Variants in MTARC1 observed in about 807,000 individuals in gnomAD.
The protein encoded by MTARC1 is mitochondrial amidoxime-reducing component 1.
A neutral mutation model predicts 33.6 loss-of-function variants in MTARC1; 24 were observed. That is an observed-to-expected ratio of 0.72 (90% CI 0.52 to 1.01). MTARC1 has a LOEUF of 1.01. Ranked by LOEUF, MTARC1 falls within the 50% of genes least tolerant of loss-of-function variation. The probability of loss-of-function intolerance (pLI) is 0.00; values close to 1 mark genes in which losing one functional copy is unlikely to be tolerated. For synonymous variants in MTARC1, 187 were observed against 189.5 expected (o/e 0.99, Z 0.11); for missense variants, 417 against 445.7 (o/e 0.94, Z 0.58).
chr1:220,791,405 T>G lies in MTARC1; in HGVS notation c.276-86T>G. 2.1e-6 allele frequency: 3 copies of G among 1,447,200 alleles called. No homozygotes were observed. The South Asian group carries it at 3.9e-5, about 19-fold the overall frequency. The allele number at this position is 1,447,200 out of a possible 1,614,324, so 89.6% of individuals were successfully genotyped here. Reference sequence around the variant, plus strand: ...AGGCTTATGGGGAAGAAATCAAAGATGACAACAGTGTCTAATTGAAGCTCC... The same window carrying G: ...AGGCTTATGGGGAAGAAATCAAAGAGGACAACAGTGTCTAATTGAAGCTCC... On this transcript the variant is annotated intron_variant, in intron 1 of 6. Coordinates refer to ENST00000366910, the MANE Select transcript of MTARC1 (RefSeq NM_022746.4).
rs1673329852 is a variant in MTARC1, at chr1:220,818,870, A to AGGACGGCC, written c.*5454_*5461dup. 6.6e-6 allele frequency: 1 copy of AGGACGGCC among 152,248 alleles called. No individual in the cohort carries two copies. The highest frequency in any genetic ancestry group is 2.4e-5 in the African/African-American group (1 of 41,472). 9.4% of individuals were successfully genotyped at this position (152,248 alleles called of 1,614,324 possible). On this transcript the variant is annotated 3_prime_UTR_variant, in exon 7 of 7. Transcript: ENST00000366910. ...AAAGCCGCTTGTTAGTCCGAGGCCC[A>AGGACGGCC]GGACGGCCGAGGACAGCTGGAGAGC...
In MTARC1 at chr1:220,813,515, A is replaced by G. The variant is rs1673205121; in HGVS notation, c.*97A>G. 2 of 1,483,752 alleles carry G rather than the reference A, an allele frequency of 1.3e-6. No individual in the cohort carries two copies. Among genetic ancestry groups the G allele is most frequent in the Admixed American group, 4.4e-5 (2 of 45,472 alleles). The allele number at this position is 1,483,752 out of a possible 1,614,324, so 91.9% of individuals were successfully genotyped here. A position where few individuals can be genotyped will look rare whatever the true frequency, so the allele number is the denominator to read the frequency against. On this transcript the variant is annotated 3_prime_UTR_variant, in exon 7 of 7. Transcript: ENST00000366910. Reference sequence around the variant, plus strand: ...GGTGTTTCAGAACTGAGACCTCTACATTTTCTTTAAATTTGTGATTTTCAC... The same window carrying G: ...GGTGTTTCAGAACTGAGACCTCTACGTTTTCTTTAAATTTGTGATTTTCAC...
At chr1:220,812,408 T>C (rs1050470306) in intron 6 of MTARC1, among the ~76,000 whole-genome samples, 2 of 152,188 alleles carry the variant, frequency 1.3e-5, no homozygotes, top group African/African-American at 2.4e-5. Context: ...GTGTCAACAA[T>C]GAATTGAAAA....
intron 2 of MTARC1, 130 bp downstream of exon 2, chr1:220,791,794 A>G: frequency 1.0e-6 from 1 of 961,562 alleles, no homozygotes; most frequent in Non-Finnish European, 1.5e-6. Flanking sequence ...TACCATATAC[A>G]GAATGAAGTC....
intron 4 of MTARC1, chr1:220,798,597 T>C: frequency 3.1e-6 from 3 of 983,224 alleles, no homozygotes; most frequent in South Asian, 9.4e-5. Context: ...AATTTACCTT[T>C]GTAATAAATG....
At chr1:220,808,585 A>G (rs1558093432) in intron 6 of MTARC1, among the ~76,000 whole-genome samples, 1 of 152,224 alleles carries the variant, frequency 6.6e-6, no homozygotes, top group Non-Finnish European at 1.5e-5. Flanking sequence ...TCAGAGCTAC[A>G]CCACTTTCTG....
At chr1:220,798,759 A>G (rs1672697693) in intron 4 of MTARC1, 1 of 848,350 alleles carries the variant, frequency 1.2e-6, no homozygotes, top group Non-Finnish European at 1.4e-6. Context: ...TGTGCCTCAA[A>G]TTTATGTTGA....
rs915176549 is a variant in MTARC1, at chr1:220,814,627, C to G, written c.*1209C>G. 6.6e-6 allele frequency: 1 copy of G among 151,940 alleles called. No homozygotes were observed. Among genetic ancestry groups the G allele is most frequent in the Admixed American group, 6.6e-5 (1 of 15,252 alleles). The allele number at this position is 151,940 out of a possible 1,614,324, so 9.4% of individuals were successfully genotyped here. A position where few individuals can be genotyped will look rare whatever the true frequency, so the allele number is the denominator to read the frequency against. On this transcript the variant is annotated 3_prime_UTR_variant, in exon 7 of 7. Transcript: ENST00000366910. Reference sequence around the variant, plus strand: ...GCCTGCAGTCCTGGCTATGGCTACTCGGGAGGATGAGGTAGAAGGATTGGT... The same window carrying G: ...GCCTGCAGTCCTGGCTATGGCTACTGGGGAGGATGAGGTAGAAGGATTGGT...
chr1:220,788,497 C>T (rs1672312216), intron 1 of MTARC1, among the ~76,000 whole-genome samples: 2 of 152,118 alleles, frequency 1.3e-5, no homozygotes, highest in South Asian at 4.1e-4. Flanking sequence ...CCTAAATATT[C>T]CATGTTTTGG....
intron 1 of MTARC1, 123 bp downstream of exon 1, chr1:220,787,342 C>G (rs946356201): frequency 7.5e-7 from 1 of 1,337,960 alleles, no homozygotes; most frequent in African/African-American, 1.5e-5. Flanking sequence ...TACAAAGAAA[C>G]TGGGAGTTGG....
At chr1:220,808,846 T>C in intron 6 of MTARC1, 1 of 471,202 alleles carries the variant, frequency 2.1e-6, no homozygotes, top group South Asian at 1.5e-5. Flanking sequence ...GAATTTTTCT[T>C]TTCTTTCTTA....
chr1:220,799,747 T>G (rs865807154), intron 4 of MTARC1, among the ~76,000 whole-genome samples: 1 of 152,110 alleles, frequency 6.6e-6, no homozygotes, highest in African/African-American at 2.4e-5. Flanking sequence ...CTAGGGCATA[T>G]GTATGGGGCT....
Position 220,787,174 on chromosome 1 carries a change from C to A in MTARC1, c.230C>A (p.Ala77Glu). The A allele has an allele frequency of 1.3e-6, 2 of 1,579,606 alleles. No homozygotes were observed. Among genetic ancestry groups the A allele is most frequent in the Non-Finnish European group, 1.7e-6 (2 of 1,163,634 alleles). The change falls in exon 1 of 7, where the codon GCG becomes GAG. Residue 77 changes from alanine to glutamate, a missense_variant. By Grantham distance (107) the Ala-to-Glu change is moderately radical. Coordinates refer to ENST00000366910, the MANE Select transcript of MTARC1 (RefSeq NM_022746.4). ...TGCAAGGGGGTGCCGGTGAGCGAGG[C>A]GGAGTGCACGGCCATGGGGCTGCGC... ...KSCKGVPVSE[A>E]ECTAMGLRSG... is the part of the protein sequence containing the mutation.
intron 6 of MTARC1, among the ~76,000 whole-genome samples, chr1:220,809,474 G>A (rs1002114226): frequency 7.5e-5 from 10 of 133,970 alleles, no homozygotes; most frequent in African/African-American, 1.3e-4. Context: ...GAACGTTCAC[G>A]ATGCCGTCTA....
intron 2 of MTARC1, chr1:220,793,473 G>C (rs1248381272): frequency 1.3e-5 from 2 of 152,264 alleles, no homozygotes; most frequent in East Asian, 3.9e-4. Flanking sequence ...CAGACTCTTC[G>C]AGCAAAGATT....
chr1:220,812,367 C>A (rs1286438937), intron 6 of MTARC1, among the ~76,000 whole-genome samples: 4 of 152,158 alleles, frequency 2.6e-5, no homozygotes, highest in South Asian at 2.1e-4. Flanking sequence ...ATGATAAGAC[C>A]AGAACACAAT....
At position 220,798,808 on chromosome 1, in the gene MTARC1, G is replaced by A. The variant is rs1042303975; in HGVS notation, c.753+794G>A. ...AAGGGGACCATATAGTGGTTCTTACGTCTGCCCATTTCCTCCATAACAGGG... is the reference window on the plus strand; with the variant it reads ...AAGGGGACCATATAGTGGTTCTTACATCTGCCCATTTCCTCCATAACAGGG... On this transcript the variant is annotated intron_variant, in intron 4 of 6. Coordinates refer to ENST00000366910, the MANE Select transcript of MTARC1 (RefSeq NM_022746.4). 7 of 967,304 alleles carry A rather than the reference G, an allele frequency of 7.2e-6. No individual in the cohort carries two copies. The African/African-American group carries it at 8.8e-5, about 12-fold the overall frequency. 59.9% of individuals were successfully genotyped at this position (967,304 alleles called of 1,614,324 possible). A position where few individuals can be genotyped will look rare whatever the true frequency, so the allele number is the denominator to read the frequency against.
chr1:220,788,797 C>CA (rs34563265), intron 1 of MTARC1, among the ~76,000 whole-genome samples: 109,395 of 140,160 alleles, frequency 0.78, 44,398 homozygotes, highest in Non-Finnish European at 0.92. Context: ...GACTAAGTCT[C>CA]AAAAAAAAAA....
Position 220,797,898 on chromosome 1 carries a change from T to C in MTARC1, c.637T>C (p.Phe213Leu), listed in dbSNP as rs1050861578. Residue 213 changes from phenylalanine (F) to leucine (L), a missense_variant, in exon 4 of 7, where the codon TTC becomes CTC. Transcript: ENST00000366910. ...DQIAYSDTSP[F>L]LILSEASLAD... is the part of the protein sequence containing the mutation. ...GATTGCTTACTCAGACACCAGCCCA[T>C]TCTTGATCCTTTCTGAGGCGTCGCT... is the stretch of plus-strand genomic sequence containing the variant. 27 of 1,614,126 alleles carry C rather than the reference T, an allele frequency of 1.7e-5. No individual in the cohort carries two copies. Among genetic ancestry groups the C allele is most frequent in the Non-Finnish European group, 2.1e-5 (25 of 1,180,044 alleles).
Sources: gnomAD v4.1 joint callset for allele counts (sites outside exome capture counted in the v4.1 genomes callset) on GRCh38, gnomAD v4.1.1 for gene constraint, MANE v1.5 for transcripts, NCBI Gene and HGNC (gene_info 2026-07-23, HGNC 2026-07-21) for gene names.